RFPL1: variants seen among roughly 807,000 people sequenced by gnomAD.
RFPL1 encodes the protein ret finger protein-like 1.
RFPL1 carries 6 observed loss-of-function variants against 9.6 expected under a neutral mutation model. The observed-to-expected ratio is 0.62, with a 90% confidence interval of 0.34 to 1.23. The LOEUF (loss-of-function observed/expected upper bound fraction) is 1.23, where lower values mean the gene tolerates loss of function less well. RFPL1 is among the 50% of genes most tolerant of loss of function. The pLI, the probability that RFPL1 is intolerant of heterozygous loss-of-function variation, is 0.03. For synonymous variants in RFPL1, 145 were observed against 149.4 expected (o/e 0.97, Z 0.22); for missense variants, 352 against 398.4 (o/e 0.88, Z 0.99).
the RFPL1 span, among the ~76,000 whole-genome samples, chr22:29,392,557 T>G: frequency 6.6e-6 from 1 of 152,032 alleles, no homozygotes; most frequent in African/African-American, 2.4e-5. Flanking sequence ...GCCTGGTTAA[T>G]TTTTGTATTT....
At chr22:29,400,293 G>T in the RFPL1 span, among the ~76,000 whole-genome samples, 1 of 152,246 alleles carries the variant, frequency 6.6e-6, no homozygotes, top group East Asian at 1.9e-4. Context: ...ACCACGCCCG[G>T]CCTATCAAGC....
At chr22:29,441,214 A>G (rs1376278473) in intron 1 of RFPL1, 1 of 337,800 alleles carries the variant, frequency 3.0e-6, no homozygotes, top group African/African-American at 2.1e-5. Context: ...ATTATCATTC[A>G]TTTTTTCATG....
At chr22:29,406,118 A>G in the RFPL1 span, among the ~76,000 whole-genome samples, 416 of 24,088 alleles carry the variant, frequency 0.017, 24 homozygotes, top group African/African-American at 0.095. Flanking sequence ...TCCTTCTCAA[A>G]AAAAAAAAAA....
upstream of RFPL1, among the ~76,000 whole-genome samples, chr22:29,436,318 C>T (rs1245940525): frequency 3.9e-5 from 6 of 151,924 alleles, no homozygotes; most frequent in Middle Eastern, 3.4e-3. Context: ...TAAATACAGG[C>T]GGTGGCTCAC....
At chr22:29,390,659 G>A in the RFPL1 span, among the ~76,000 whole-genome samples, 3 of 151,338 alleles carry the variant, frequency 2.0e-5, no homozygotes, top group East Asian at 3.9e-4. Flanking sequence ...TCAGTGGCTC[G>A]ATCTCGGCTC....
At chr22:29,440,046 CA>C in intron 1 of RFPL1, 1 of 152,094 alleles carries the variant, frequency 6.6e-6, no homozygotes, top group Admixed American at 6.5e-5. Context: ...AAAATACTAT[CA>C]CTCTCCATAA....
chr22:29,441,779 A>C (rs752660368), exon 2 of RFPL1: 1 of 1,613,932 alleles, frequency 6.2e-7, no homozygotes, highest in Non-Finnish European at 8.5e-7. Flanking sequence ...GTTCACCGCA[A>C]AGGGAGGATC....
chr22:29,415,150 A>G, the RFPL1 span, among the ~76,000 whole-genome samples: 3,501 of 151,978 alleles, frequency 0.023, 127 homozygotes, highest in African/African-American at 0.081. Flanking sequence ...ACAAGTTCCC[A>G]AGACCGGTCC....
At chr22:29,389,664 C>T in the RFPL1 span, among the ~76,000 whole-genome samples, 11 of 134,878 alleles carry the variant, frequency 8.2e-5, no homozygotes, top group Non-Finnish European at 1.5e-4. Flanking sequence ...CCAGCCTGGG[C>T]GACAGAGCAA....
At chr22:29,437,915 C>A, upstream of RFPL1, 32 of 464,648 alleles carry the variant, frequency 6.9e-5, no homozygotes, top group Non-Finnish European at 1.0e-4. Context: ...TGGTGGCAGT[C>A]AATTTGGTAT....
the RFPL1 span, among the ~76,000 whole-genome samples, chr22:29,414,765 C>T: frequency 1.8e-3 from 269 of 150,772 alleles, 1 homozygote; most frequent in Non-Finnish European, 7.7e-4. Context: ...CTTTTTCTAA[C>T]GGAGTAGCCC....
At chr22:29,420,557 C>G in the RFPL1 span, among the ~76,000 whole-genome samples, 1 of 149,742 alleles carries the variant, frequency 6.7e-6, no homozygotes, top group Non-Finnish European at 1.5e-5. Context: ...TCTTGAAATC[C>G]TGACTTCGTG....
chr22:29,441,926 T>A (rs200128421), exon 2 of RFPL1: 2 of 1,613,360 alleles, frequency 1.2e-6, no homozygotes, highest in African/African-American at 1.3e-5. Context: ...GATATGGGCA[T>A]GCAGAACGTT....
At chr22:29,430,668 T>C in the RFPL1 span, among the ~76,000 whole-genome samples, 2 of 152,114 alleles carry the variant, frequency 1.3e-5, no homozygotes, top group African/African-American at 2.4e-5. Context: ...CACATGAGTG[T>C]GATTTTAGAA....
chr22:29,391,684 C>T, the RFPL1 span, among the ~76,000 whole-genome samples: 3 of 152,076 alleles, frequency 2.0e-5, no homozygotes, highest in Non-Finnish European at 4.4e-5. Flanking sequence ...GCTGTCTTGC[C>T]GAATGAGAAC....
At chr22:29,392,638 C>T in the RFPL1 span, among the ~76,000 whole-genome samples, 1 of 152,204 alleles carries the variant, frequency 6.6e-6, no homozygotes, top group East Asian at 1.9e-4. Context: ...GATCCACCTC[C>T]AAAGTGCTGG....
the RFPL1 span, among the ~76,000 whole-genome samples, chr22:29,413,235 T>C: frequency 1.3e-5 from 2 of 151,892 alleles, no homozygotes; most frequent in Non-Finnish European, 2.9e-5. Context: ...CAGAACCTCA[T>C]CAACAGAGAC....
the RFPL1 span, among the ~76,000 whole-genome samples, chr22:29,409,153 A>G: frequency 3.9e-5 from 6 of 152,080 alleles, no homozygotes; most frequent in African/African-American, 1.2e-4. Context: ...CGTTTTTACT[A>G]TATTTACACG....
chr22:29,415,146 T>C, the RFPL1 span, among the ~76,000 whole-genome samples: 8 of 151,686 alleles, frequency 5.3e-5, no homozygotes, highest in Non-Finnish European at 7.4e-5. Flanking sequence ...GTGGACAAGT[T>C]CCCAAGACCG....
Sources: allele counts gnomAD v4.1 joint callset (sites outside exome capture counted in the v4.1 genomes callset), GRCh38; gene constraint gnomAD v4.1.1; transcripts MANE v1.5; gene names NCBI Gene and HGNC (gene_info 2026-07-23, HGNC 2026-07-21).